SOBP: variants seen among roughly 807,000 people sequenced by gnomAD.
SOBP encodes the protein sine oculis binding protein homolog.
In SOBP, 4 loss-of-function variants were observed where a neutral mutation model predicts 53.6. The observed-to-expected ratio is 0.07, with a 90% confidence interval of 0.04 to 0.17. The LOEUF (loss-of-function observed/expected upper bound fraction) is 0.17. SOBP is among the 10% of genes least tolerant of loss of function. The probability of loss-of-function intolerance (pLI) is 1.00; values close to 1 mark genes in which losing one functional copy is unlikely to be tolerated. For synonymous variants in SOBP, 584 were observed against 522.6 expected, an observed-to-expected ratio of 1.12 and a Z score of -1.60; for missense variants, 1,088 against 1,204.7, an observed-to-expected ratio of 0.90 and a Z score of 1.43.
chr6:107,611,174 G>T (rs958051627), intron 5 of SOBP, among the ~76,000 whole-genome samples: 2 of 152,252 alleles, frequency 1.3e-5, no homozygotes, highest in Admixed American at 1.3e-4. Flanking sequence ...CTTCAGAGGC[G>T]GAGGCCTGTG....
intron 4 of SOBP, among the ~76,000 whole-genome samples, chr6:107,558,515 G>A (rs1466874887): frequency 4.6e-5 from 7 of 151,830 alleles, no homozygotes; most frequent in African/African-American, 1.5e-4. Flanking sequence ...TGATCCGCCC[G>A]CCTCGGCCTC....
At chr6:107,633,391 A>T in intron 5 of SOBP, 123 bp from the exon 6 acceptor site, 1 of 1,224,650 alleles carries the variant, frequency 8.2e-7, no homozygotes, top group Non-Finnish European at 1.2e-6. Context: ...AGAAGGAAAC[A>T]GTTCTGCCTG....
At chr6:107,512,743 A>T (rs1022609144) in intron 3 of SOBP, among the ~76,000 whole-genome samples, 18 of 152,118 alleles carry the variant, frequency 1.2e-4, no homozygotes, top group East Asian at 9.7e-4. Flanking sequence ...TTTTTTTTTT[A>T]AATTAATAAA....
chr6:107,520,235 AG>A (rs763147385), intron 3 of SOBP, among the ~76,000 whole-genome samples: 2 of 152,244 alleles, frequency 1.3e-5, no homozygotes, highest in African/African-American at 2.4e-5. Context: ...CGAGTAAAAG[AG>A]GAAAGTAAAA....
At chr6:107,501,201 G>C (rs1782837204) in intron 1 of SOBP, among the ~76,000 whole-genome samples, 1 of 152,198 alleles carries the variant, frequency 6.6e-6, no homozygotes, top group Non-Finnish European at 1.5e-5. Flanking sequence ...AAACTAAACT[G>C]ATGTAGTTTT....
At chr6:107,543,826 C>T (rs1422700496) in intron 4 of SOBP, among the ~76,000 whole-genome samples, 1 of 152,132 alleles carries the variant, frequency 6.6e-6, no homozygotes, top group Non-Finnish European at 1.5e-5. Context: ...CCTCTTCTAC[C>T]CAGCACCAGC....
At chr6:107,584,794 A>T (rs1562633113) in intron 4 of SOBP, among the ~76,000 whole-genome samples, 4 of 149,690 alleles carry the variant, frequency 2.7e-5, no homozygotes, top group African/African-American at 9.8e-5. Flanking sequence ...AGATAATGGG[A>T]TTTTTTTTTT....
At chr6:107,604,009 A>G (rs190084894) in intron 5 of SOBP, among the ~76,000 whole-genome samples, 5 of 152,284 alleles carry the variant, frequency 3.3e-5, no homozygotes, top group East Asian at 1.9e-4. Flanking sequence ...TGTGATGACC[A>G]TATGTCCCAA....
intron 5 of SOBP, among the ~76,000 whole-genome samples, chr6:107,603,609 C>A (rs1420750155): frequency 6.6e-6 from 1 of 152,150 alleles, no homozygotes; most frequent in Non-Finnish European, 1.5e-5. Context: ...AGCTTAAGTA[C>A]GATGTAATGG....
At chr6:107,611,811 A>T (rs1293314900) in intron 5 of SOBP, among the ~76,000 whole-genome samples, 1 of 152,238 alleles carries the variant, frequency 6.6e-6, no homozygotes, top group East Asian at 1.9e-4. Flanking sequence ...GCAGGAATAA[A>T]AATAGATTAC....
At chr6:107,566,380 C>T (rs1784917729) in intron 4 of SOBP, among the ~76,000 whole-genome samples, 2 of 152,202 alleles carry the variant, frequency 1.3e-5, no homozygotes, top group African/African-American at 2.4e-5. Flanking sequence ...AGCCCATTCC[C>T]CTCTCCCCAA....
chr6:107,575,831 C>T (rs2115044228), intron 4 of SOBP, among the ~76,000 whole-genome samples: 1 of 152,286 alleles, frequency 6.6e-6, no homozygotes, highest in East Asian at 1.9e-4. Flanking sequence ...TTGGCTTCAA[C>T]AGGCGTGTCC....
chr6:107,633,444 A>C (rs1025537644), intron 5 of SOBP, 70 bp from the exon 6 acceptor site: 23 of 1,594,990 alleles, frequency 1.4e-5, no homozygotes, highest in Non-Finnish European at 1.9e-5. Flanking sequence ...TTTATGTGAA[A>C]CACGAAACGT....
intron 6 of SOBP, among the ~76,000 whole-genome samples, chr6:107,651,570 A>G (rs1344565473): frequency 6.6e-6 from 1 of 152,278 alleles, no homozygotes; most frequent in Non-Finnish European, 1.5e-5. Context: ...GTGCTGATGT[A>G]GAAGCTGCAG....
intron 6 of SOBP, among the ~76,000 whole-genome samples, chr6:107,636,612 TGGAGAGGAAGA>T (rs1370794919): frequency 1.3e-5 from 2 of 152,174 alleles, no homozygotes; most frequent in African/African-American, 4.8e-5. Flanking sequence ...CAACTTCTTA[TGGAGAGGAAGA>T]GGAGAGATGA....
chr6:107,506,565 A>T, intron 3 of SOBP, 138 bp downstream of exon 3: 1 of 891,050 alleles, frequency 1.1e-6, no homozygotes, highest in Non-Finnish European at 1.8e-6. Context: ...ATGTTAATAC[A>T]GGCATCACTT....
chr6:107,564,475 A>G (rs991891812), intron 4 of SOBP, among the ~76,000 whole-genome samples: 1 of 150,238 alleles, frequency 6.7e-6, no homozygotes, highest in Admixed American at 6.7e-5. Context: ...GGTTAATCAA[A>G]TCTCAGCCTT....
chr6:107,595,533 A>G (rs142115877), intron 5 of SOBP, among the ~76,000 whole-genome samples: 1,580 of 152,238 alleles, frequency 0.01, 11 homozygotes, highest in Non-Finnish European at 0.016. Flanking sequence ...ACTAGAACTG[A>G]ACAATTGCCT....
In SOBP at chr6:107,490,731, G is replaced by A; in HGVS notation, c.96+19G>A. 1 of 1,553,778 alleles carries A rather than the reference G, an allele frequency of 6.4e-7. No homozygotes were observed. Among genetic ancestry groups the A allele is most frequent in the South Asian group, 1.2e-5 (1 of 85,954 alleles). On this transcript the variant is annotated intron_variant, in intron 1 of 6. Coordinates refer to ENST00000317357, the MANE Select transcript of SOBP (RefSeq NM_018013.4). ...GATGAAGGTATTTTTTGATCTCGGG[G>A]GCCAGGGAGACTGAGCTCTTTCTTG...
Sources: allele counts gnomAD v4.1 joint callset (sites outside exome capture counted in the v4.1 genomes callset), GRCh38; gene constraint gnomAD v4.1.1; transcripts MANE v1.5; gene names NCBI Gene and HGNC (gene_info 2026-07-23, HGNC 2026-07-21).